The following KMT2C variants were observed in gnomAD, a reference collection of about 807,000 sequenced individuals.
KMT2C encodes the protein histone-lysine N-methyltransferase 2C.
KMT2C carries 88 observed loss-of-function variants against 507.9 expected under a neutral mutation model. That is an observed-to-expected ratio of 0.17 (90% confidence interval 0.15 to 0.21). The LOEUF is 0.21. Among genes scored for constraint, KMT2C ranks in the 10% least tolerant of loss-of-function variants. KMT2C has a pLI of 1.00. For synonymous variants in KMT2C, 2,049 were observed against 2,080.8 expected (o/e 0.98, Z 0.42); for missense variants, 4,954 against 5,957.8 (o/e 0.83, Z 5.55).
chr7:152,243,306 C>T (rs4401758), intron 14 of KMT2C, among the ~76,000 whole-genome samples: 6,705 of 152,178 alleles, frequency 0.044, 232 homozygotes, highest in South Asian at 0.088. Context: ...TACTTCTAAT[C>T]GGCTGTGTTG....
intron 2 of KMT2C, among the ~76,000 whole-genome samples, chr7:152,331,309 CAA>C (rs60887703): frequency 8.8e-5 from 12 of 136,330 alleles, no homozygotes; most frequent in African/African-American, 2.1e-4. Flanking sequence ...GACCCTGTCT[CAA>C]AAAAAAAAAA....
intron 2 of KMT2C, among the ~76,000 whole-genome samples, chr7:152,345,722 C>A (rs2097052133): frequency 6.6e-6 from 1 of 152,028 alleles, no homozygotes; most frequent in Non-Finnish European, 1.5e-5. Context: ...GGTTTCACCA[C>A]GTTGGTCAGG....
At chr7:152,424,106 C>A (rs2097795623) in intron 1 of KMT2C, among the ~76,000 whole-genome samples, 1 of 152,082 alleles carries the variant, frequency 6.6e-6, no homozygotes, top group Admixed American at 6.6e-5. Context: ...TCACTCGTAT[C>A]CCAAATGCAT....
chr7:152,226,221 T>A (rs1239773395), intron 18 of KMT2C, among the ~76,000 whole-genome samples: 13 of 119,720 alleles, frequency 1.1e-4, no homozygotes, highest in African/African-American at 4.6e-4. Context: ...TACAAGGCCT[T>A]TTTTTTTTTT....
rs770498556 is a variant in KMT2C, at chr7:152,139,226, C to T, written c.14494G>A (p.Asp4832Asn). ...RGVYMFRMDN[D>N]HVIDATLTGG... ...GTGAGCGTCGCGTCAATCACATGGTCGTTATCCATGCGGAACATGTACACA... is the reference window on the plus strand; with the variant it reads ...GTGAGCGTCGCGTCAATCACATGGTTGTTATCCATGCGGAACATGTACACA... Residue 4832 changes from aspartate to asparagine, a missense_variant, in exon 57 of 59, where the codon GAC becomes AAC. Asp to Asn is a conservative substitution (Grantham distance 23). Transcript: ENST00000262189. 8 of 1,613,894 alleles carry T rather than the reference C, an allele frequency of 5.0e-6. No individual in the cohort carries two copies. The highest frequency in any genetic ancestry group is 5.9e-6 in the Non-Finnish European group (7 of 1,180,030).
Position 152,136,786 on chromosome 7 carries a change from C to A in KMT2C, c.*46G>T, listed in dbSNP as rs773266030. 8.9e-6 allele frequency: 12 copies of A among 1,355,216 alleles called. No individual in the cohort carries two copies. The highest frequency in any genetic ancestry group is 1.2e-5 in the Non-Finnish European group (11 of 945,558). 83.9% of individuals were successfully genotyped at this position (1,355,216 alleles called of 1,614,324 possible). On this transcript the variant is annotated 3_prime_UTR_variant, in exon 59 of 59. Coordinates refer to ENST00000262189, the MANE Select transcript of KMT2C (RefSeq NM_170606.3). ...AAATTCCAATGGTGTGTTGAATCGCCTCTTCCTAGGGACAAGCCGCCCGCT... is the reference window on the plus strand; with the variant it reads ...AAATTCCAATGGTGTGTTGAATCGCATCTTCCTAGGGACAAGCCGCCCGCT...
chr7:152,434,333 G>C (rs531534796), intron 1 of KMT2C, among the ~76,000 whole-genome samples: 4 of 152,136 alleles, frequency 2.6e-5, no homozygotes, highest in African/African-American at 7.2e-5. Context: ...GCAAGTTGAA[G>C]GCCCTGAATC....
intron 1 of KMT2C, among the ~76,000 whole-genome samples, chr7:152,360,456 C>A (rs577044797): frequency 6.6e-5 from 10 of 151,110 alleles, no homozygotes; most frequent in African/African-American, 2.2e-4. Context: ...CCAGCCTGGG[C>A]AACAAGAGTG....
At chr7:152,321,426 A>T (rs2096772286) in intron 3 of KMT2C, among the ~76,000 whole-genome samples, 1 of 151,836 alleles carries the variant, frequency 6.6e-6, no homozygotes, top group East Asian at 1.9e-4. Context: ...AGGCAGAGCA[A>T]TATGGTCAAG....
chr7:152,244,531 A>C (rs2095438796), intron 14 of KMT2C, among the ~76,000 whole-genome samples: 1 of 152,232 alleles, frequency 6.6e-6, no homozygotes, highest in Non-Finnish European at 1.5e-5. Flanking sequence ...AAAAAATAAA[A>C]AATATTTTTA....
Position 152,205,229 on chromosome 7 carries a change from T to C in KMT2C, c.3842-4A>G, listed in dbSNP as rs764708607. ...CGCACCATAAATCCACCAATACCTATCCAAAAAAGAAATTAGGTAAACTGA... is the reference window on the plus strand; with the variant it reads ...CGCACCATAAATCCACCAATACCTACCCAAAAAAGAAATTAGGTAAACTGA... On this transcript the variant is annotated splice_polypyrimidine_tract_variant and splice_region_variant and intron_variant, in intron 24 of 58. Transcript: ENST00000262189. The C allele has an allele frequency of 1.2e-6, 2 of 1,609,386 alleles. No homozygotes were observed. The highest frequency in any genetic ancestry group is 1.1e-5 in the South Asian group (1 of 90,792).
intron 22 of KMT2C, 52 bp from the exon 23 acceptor site, chr7:152,220,787 G>C (rs2129145873): frequency 7.3e-7 from 1 of 1,365,374 alleles, no homozygotes; most frequent in East Asian, 2.3e-5. Context: ...TTTCAAATTT[G>C]ACTGATTACT....
At chr7:152,425,710 G>A (rs1165613925) in intron 1 of KMT2C, among the ~76,000 whole-genome samples, 1 of 151,904 alleles carries the variant, frequency 6.6e-6, no homozygotes, top group Non-Finnish European at 1.5e-5. Context: ...TTCCAAATGT[G>A]GTCCATATGA....
chr7:152,223,312 A>AATATCTAG (rs1300182332), intron 20 of KMT2C, among the ~76,000 whole-genome samples: 1 of 152,168 alleles, frequency 6.6e-6, no homozygotes, highest in Non-Finnish European at 1.5e-5. Context: ...GGTGCTATCT[A>AATATCTAG]ATATCTAGAT....
At position 152,309,963 on chromosome 7, in the gene KMT2C, T is replaced by A; in HGVS notation, c.849+3A>T. 1 of 1,559,660 alleles carries A rather than the reference T, an allele frequency of 6.4e-7. No homozygotes were observed. The highest frequency in any genetic ancestry group is 8.8e-7 in the Non-Finnish European group (1 of 1,132,178). ...GATTTAAATATTTGCTTTGTCTACTTACTTCTGTGCTCCCTGAGACAACAG... is the reference window on the plus strand; with the variant it reads ...GATTTAAATATTTGCTTTGTCTACTAACTTCTGTGCTCCCTGAGACAACAG... On this transcript the variant is annotated splice_donor_region_variant and intron_variant, in intron 6 of 58. Transcript: ENST00000262189.
intron 9 of KMT2C, among the ~76,000 whole-genome samples, chr7:152,256,715 C>T (rs1588642618): frequency 6.6e-6 from 1 of 152,126 alleles, no homozygotes; most frequent in Admixed American, 6.5e-5. Flanking sequence ...CATGAACAGA[C>T]AATTCACGAG....
At position 152,144,352 on chromosome 7, in the gene KMT2C, G is replaced by A. The variant is rs1278432931; in HGVS notation, c.14343+361C>T. ...AGATAAGGTAACTTCCAAAATTGGT[G>A]TACCTTTGGAAAATATTTTCATTTG... On this transcript the variant is annotated intron_variant, in intron 55 of 58. Transcript: ENST00000262189. This position sits in a 1 kb window ranked among gnomAD's most constrained non-coding sequence, Gnocchi z 4.4. 6.6e-6 allele frequency among the ~76,000 whole-genome samples: 1 copy of A among 152,170 alleles called. No homozygotes were observed.
At chr7:152,312,450 CAG>C (rs1039752262) in intron 4 of KMT2C, among the ~76,000 whole-genome samples, 27 of 152,126 alleles carry the variant, frequency 1.8e-4, no homozygotes, top group African/African-American at 6.5e-4. Flanking sequence ...AGTGTGAAAA[CAG>C]AGGCAGGAGG....
rs185995547 is a variant in KMT2C at position 152,138,703 on chromosome 7, T to C, written c.14643+93A>G. ...ACAGAGTTTTTATCACAACAAAGAA[T>C]TGGGAAACAAGTGAGTAAGTGACCT... On this transcript the variant is annotated intron_variant, in intron 58 of 58. Coordinates refer to ENST00000262189, the MANE Select transcript of KMT2C (RefSeq NM_170606.3). The surrounding 1 kb of genome is among the most constrained non-coding windows in gnomAD (Gnocchi z 4.2). 3.1e-5 allele frequency: 25 copies of C among 804,398 alleles called. No individual in the cohort carries two copies. The highest frequency in any genetic ancestry group is 7.5e-5 in the East Asian group (3 of 39,880). 49.8% of individuals were successfully genotyped at this position (804,398 alleles called of 1,614,324 possible).
Sources: allele counts gnomAD v4.1 joint callset (sites outside exome capture counted in the v4.1 genomes callset), GRCh38; gene constraint gnomAD v4.1.1; non-coding constraint Gnocchi (gnomAD v3.1); transcripts MANE v1.5; gene names NCBI Gene and HGNC (gene_info 2026-07-23, HGNC 2026-07-21).